Variants in CEP104 observed in about 807,000 individuals in gnomAD.
CEP104 encodes centrosomal protein 104.
CEP104 carries 84 observed loss-of-function variants against 113.3 expected under a neutral mutation model. That is an observed-to-expected ratio of 0.74 (90% confidence interval 0.62 to 0.89). The LOEUF (loss-of-function observed/expected upper bound fraction) is 0.89, where lower values mean the gene tolerates loss of function less well. Among genes scored for constraint, CEP104 ranks in the 40% least tolerant of loss-of-function variants. The pLI, the probability that CEP104 is intolerant of heterozygous loss-of-function variation, is 0.00. For synonymous variants in CEP104, 378 were observed against 421.7 expected, an observed-to-expected ratio of 0.90 and a Z score of 1.27; for missense variants, 1,053 against 1,156.6, an observed-to-expected ratio of 0.91 and a Z score of 1.30.
chr1:3,815,550 G>T, intron 21 of CEP104, 33 bp from the exon 22 acceptor site: 5 of 1,461,090 alleles, frequency 3.4e-6, no homozygotes, highest in Non-Finnish European at 4.7e-6. Flanking sequence ...GCATTAGGAG[G>T]GGCACTCCTA....
chr1:3,848,654 G>A lies in CEP104; in HGVS notation c.241C>T (p.Pro81Ser). The change falls in exon 3 of 22, where the codon CCT becomes TCT. Residue 81 changes from proline to serine, a missense_variant. By Grantham distance (74) the Pro-to-Ser change is moderately conservative. Transcript: ENST00000378230. ...KIEFYISESL[P>S]EYFAPYQAER... Reference sequence around the variant, plus strand: ...GCTTGATAGGGTGCAAAATATTCAGGCAAGCTTTCACTAATGTAGAACTCA... The same window carrying A: ...GCTTGATAGGGTGCAAAATATTCAGACAAGCTTTCACTAATGTAGAACTCA... 6.2e-7 allele frequency: 1 copy of A among 1,613,542 alleles called. No individual in the cohort carries two copies. Among genetic ancestry groups the A allele is most frequent in the Non-Finnish European group, 8.5e-7 (1 of 1,179,874 alleles).
In CEP104 at chr1:3,823,560, C is replaced by T. The variant is rs181389182; in HGVS notation, c.2367G>A (p.Val789=). Residue 789 remains valine, a splice_region_variant and synonymous_variant, in exon 19 of 22, where the codon GTG becomes GTA. Coordinates refer to ENST00000378230, the MANE Select transcript of CEP104 (RefSeq NM_014704.4). The surrounding 1 kb of genome is among the most constrained non-coding windows in gnomAD (Gnocchi z 4.1). The part of the protein sequence containing the change: ...MLTRCDHCKQ[V]VEISSLTEHL... ...GCTCCGTCAGACTGGATATCTCGAC[C>T]ACCTGGATTTCGAAATACAGAGCAA... The T allele has an allele frequency of 6.2e-7, 1 of 1,614,222 alleles. No homozygotes were observed. Among genetic ancestry groups the T allele is most frequent in the East Asian group, 2.2e-5 (1 of 44,884 alleles).
rs997878393 is a variant in CEP104 at position 3,815,491 on chromosome 1, C to T, written c.2689G>A (p.Gly897Ser). The change falls in exon 22 of 22, where the codon GGC becomes AGC. Residue 897 changes from glycine to serine, a missense_variant. Physicochemically the swap from Gly to Ser is moderately conservative, Grantham distance 56. Coordinates refer to ENST00000378230, the MANE Select transcript of CEP104 (RefSeq NM_014704.4). Reference protein sequence around the residue: ...PGKSSAVAASGPLGSKAGSKI... With the variant: ...PGKSSAVAASSPLGSKAGSKI... ...CTTCCGGCCTTTGACCCCAAGGGGC[C>T]TGATGCGGCCACAGCTGAGCTTTTC... 4 of 1,609,804 alleles carry T rather than the reference C, an allele frequency of 2.5e-6. No individual in the cohort carries two copies. The highest frequency in any genetic ancestry group is 3.4e-5 in the Admixed American group (2 of 59,426).
intron 1 of CEP104, among the ~76,000 whole-genome samples, chr1:3,853,400 CG>C (rs141921756): frequency 7.1e-6 from 1 of 140,040 alleles, no homozygotes; most frequent in East Asian, 2.0e-4. Context: ...TCTAAATCAT[CG>C]GGGGAAAAAA....
In CEP104 at chr1:3,813,324, C is replaced by T. The variant is rs543353180; in HGVS notation, c.*2078G>A. ...GGAGTGCAATGGCATGATGTGGGCT[C>T]AATGCAACCTCCACCTCCCGGGTTC... On this transcript the variant is annotated 3_prime_UTR_variant, in exon 22 of 22. Coordinates refer to ENST00000378230, the MANE Select transcript of CEP104 (RefSeq NM_014704.4). 1.3e-5 allele frequency: 2 copies of T among 150,540 alleles called. No individual in the cohort carries two copies. The highest frequency in any genetic ancestry group is 4.9e-5 in the African/African-American group (2 of 41,016). 9.3% of individuals were successfully genotyped at this position (150,540 alleles called of 1,614,324 possible).
At chr1:3,834,419 C>G (rs1354117828) in intron 11 of CEP104, among the ~76,000 whole-genome samples, 4 of 151,936 alleles carry the variant, frequency 2.6e-5, no homozygotes, top group Non-Finnish European at 5.9e-5. Context: ...CAAATCTTCC[C>G]TTCATACCGA....
intron 15 of CEP104, among the ~76,000 whole-genome samples, chr1:3,827,788 T>C (rs1156658046): frequency 6.6e-6 from 1 of 152,344 alleles, no homozygotes; most frequent in East Asian, 1.9e-4. Flanking sequence ...CCACAACCCA[T>C]GGCCCCCAGC....
Position 3,829,827 on chromosome 1 carries a change from AGC to A in CEP104, c.2005_2006del (p.Ala669Ter). On this transcript the variant is annotated frameshift_variant, in exon 14 of 22. Coordinates refer to ENST00000378230, the MANE Select transcript of CEP104 (RefSeq NM_014704.4). LOFTEE classifies it high-confidence loss of function. Reference protein sequence around the residue: ...ILYKTIFEGFAKIDGRATDAE... With the variant: ...ILYKTIFEGFXKIDGRATDAE... ...CATCTGTAGCTCTGCCATCTATTTTAGCAAATCCCTCAAAAATTGTTTTGTAG... is the reference window on the plus strand; with the variant it reads ...CATCTGTAGCTCTGCCATCTATTTTAAAATCCCTCAAAAATTGTTTTGTAG... 2 of 1,614,212 alleles carry A rather than the reference AGC, an allele frequency of 1.2e-6. No individual in the cohort carries two copies. Among genetic ancestry groups the A allele is most frequent in the Non-Finnish European group, 1.7e-6 (2 of 1,180,040 alleles).
At chr1:3,855,994 T>C (rs1031033774) in intron 1 of CEP104, 8 of 962,590 alleles carry the variant, frequency 8.3e-6, no homozygotes, top group Middle Eastern at 5.3e-4. Flanking sequence ...ACTACACTTT[T>C]CCTAGTGCTG....
At chr1:3,843,377 T>TA (rs1644449497) in intron 6 of CEP104, 4 of 87,782 alleles carry the variant, frequency 4.6e-5, no homozygotes, top group African/African-American at 1.9e-4. Flanking sequence ...ATATGTATAA[T>TA]TTTTTTTTTT....
chr1:3,817,805 G>A (rs1354425503), intron 20 of CEP104, among the ~76,000 whole-genome samples: 5 of 152,222 alleles, frequency 3.3e-5, no homozygotes, highest in African/African-American at 9.7e-5. Flanking sequence ...TGGCAGACAC[G>A]TGGCAGGGCA....
intron 20 of CEP104, among the ~76,000 whole-genome samples, chr1:3,817,695 C>G (rs1643901149): frequency 6.6e-6 from 1 of 152,196 alleles, no homozygotes; most frequent in Non-Finnish European, 1.5e-5. Flanking sequence ...ACATGACCTG[C>G]TCTAAGGCTC....
At chr1:3,822,253 CAGACAGAGGGACACAGAG>C (rs1643991669) in intron 20 of CEP104, among the ~76,000 whole-genome samples, 1 of 96,134 alleles carries the variant, frequency 1.0e-5, no homozygotes, top group Admixed American at 9.6e-5. Flanking sequence ...GAGGGACAGA[CAGACAGAGGGACACAGAG>C]AGCCAGATAA....
chr1:3,820,136 CAT>C (rs757604132), intron 20 of CEP104, among the ~76,000 whole-genome samples: 7 of 152,110 alleles, frequency 4.6e-5, no homozygotes, highest in Non-Finnish European at 7.3e-5. Context: ...GCAGATGACA[CAT>C]GAGATACGCC....
intron 2 of CEP104, among the ~76,000 whole-genome samples, chr1:3,850,179 T>G (rs1163600615): frequency 6.6e-6 from 1 of 152,206 alleles, no homozygotes; most frequent in Non-Finnish European, 1.5e-5. Flanking sequence ...TCCCCATGAT[T>G]GAGTGATGTA....
Position 3,839,727 on chromosome 1 carries a change from G to C in CEP104, c.616C>G (p.Gln206Glu). 6.2e-7 allele frequency: 1 copy of C among 1,613,680 alleles called. No homozygotes were observed. The highest frequency in any genetic ancestry group is 8.5e-7 in the Non-Finnish European group (1 of 1,179,812). Residue 206 changes from glutamine (Q) to glutamate (E), a missense_variant, in exon 7 of 22, where the codon CAA (glutamine) becomes GAA (glutamate). Coordinates refer to ENST00000378230, the MANE Select transcript of CEP104 (RefSeq NM_014704.4). ...ATGATCTGTGCAACTTCTGGATCTT[G>C]GTACATATCAAAAGCTAAGTCATCT... Reference protein sequence around the residue: ...PLDDLAFDMYQDPEVAQIIRK... With the variant: ...PLDDLAFDMYEDPEVAQIIRK...
chr1:3,833,632 C>T, intron 12 of CEP104: 1 of 397,286 alleles, frequency 2.5e-6, no homozygotes, highest in Non-Finnish European at 4.4e-6. Flanking sequence ...AAATTAATGG[C>T]ATATGTTGGA....
intron 1 of CEP104, among the ~76,000 whole-genome samples, chr1:3,853,400 C>CGGG (rs141921756): frequency 7.1e-6 from 1 of 140,042 alleles, no homozygotes; most frequent in Admixed American, 7.0e-5. Flanking sequence ...TCTAAATCAT[C>CGGG]GGGGGAAAAA....
Position 3,829,361 on chromosome 1 carries a change from C to T in CEP104, c.2056G>A (p.Ala686Thr). ...TDAEMRARRKAATEEAEKQKK... is the reference protein window; with the variant it reads ...TDAEMRARRKTATEEAEKQKK... ...TGTTTTTCTGCTTCTTCTGTAGCCG[C>T]TTTTCTCCGTGCCTGGTAAGAAAAT... The change falls in exon 15 of 22, where the codon GCG becomes ACG. Residue 686 changes from alanine to threonine, a missense_variant. Physicochemically the swap from Ala to Thr is moderately conservative, Grantham distance 58. Transcript: ENST00000378230. 1 of 1,609,766 alleles carries T rather than the reference C, an allele frequency of 6.2e-7. No homozygotes were observed. The highest frequency in any genetic ancestry group is 8.5e-7 in the Non-Finnish European group (1 of 1,179,226).
Sources: gnomAD v4.1 joint callset for allele counts (sites outside exome capture counted in the v4.1 genomes callset) on GRCh38, gnomAD v4.1.1 for gene constraint, Gnocchi (gnomAD v3.1) non-coding constraint, MANE v1.5 for transcripts, NCBI Gene and HGNC (gene_info 2026-07-23, HGNC 2026-07-21) for gene names.